The following UMPS variants were observed in gnomAD, a reference collection of about 807,000 sequenced individuals.
The protein encoded by UMPS is uridine 5'-monophosphate synthase.
Under a neutral mutation model 38.9 loss-of-function variants are expected in UMPS, and 21 were observed. The observed-to-expected ratio is 0.54, with a 90% confidence interval of 0.38 to 0.78. The LOEUF (loss-of-function observed/expected upper bound fraction) is 0.78, where lower values mean the gene tolerates loss of function less well. Ranked by LOEUF, UMPS falls within the 30% of genes least tolerant of loss-of-function variation. The pLI is 0.00. For missense variants in UMPS, 533 were observed against 591.6 expected (o/e 0.90, Z 1.03); for synonymous variants, 208 against 219.3 (o/e 0.95, Z 0.45).
At chr3:124,731,792 G>T (rs1239219056) in intron 1 of UMPS, among the ~76,000 whole-genome samples, 4 of 151,716 alleles carry the variant, frequency 2.6e-5, no homozygotes, top group African/African-American at 9.7e-5. Flanking sequence ...AGCTACTCAG[G>T]AGGCTGAGGC....
At chr3:124,737,193 CAGG>C (rs1256631554) in intron 2 of UMPS, 6 of 215,496 alleles carry the variant, frequency 2.8e-5, no homozygotes, top group African/African-American at 1.2e-4. Flanking sequence ...CACTTGAGCT[CAGG>C]AGTTCAAGAC....
rs767215391 is a variant in UMPS at position 124,747,376 on chromosome 3, T to C, written c.*3292T>C. The C allele has an allele frequency of 2.2e-6, 1 of 454,832 alleles. No homozygotes were observed. The highest frequency in any genetic ancestry group is 4.4e-6 in the Non-Finnish European group (1 of 226,670). 28.2% of individuals were successfully genotyped at this position (454,832 alleles called of 1,614,324 possible). A position where few individuals can be genotyped will look rare whatever the true frequency, so the allele number is the denominator to read the frequency against. On this transcript the variant is annotated 3_prime_UTR_variant, in exon 6 of 6. Coordinates refer to ENST00000232607, the MANE Select transcript of UMPS (RefSeq NM_000373.4). ...TGCTGGCCGCTGAGCTAGCTGCTAA[T>C]GCTGGCCTGGGTGCAGTTCTCATCC...
intron 1 of UMPS, among the ~76,000 whole-genome samples, chr3:124,733,953 T>A (rs1349256670): frequency 6.6e-6 from 1 of 152,162 alleles, no homozygotes; most frequent in Non-Finnish European, 1.5e-5. Context: ...CACAGTGGAG[T>A]GAAAATATGA....
chr3:124,744,705 A>G lies in UMPS; in HGVS notation c.*621A>G, dbSNP rs752953491. 1.3e-5 allele frequency: 6 copies of G among 454,010 alleles called. No individual in the cohort carries two copies. Among genetic ancestry groups the G allele is most frequent in the Non-Finnish European group, 2.6e-5 (6 of 226,792 alleles). The allele number at this position is 454,010 out of a possible 1,614,324, so 28.1% of individuals were successfully genotyped here. ...ATTACAGGTGTGAGCCACTGTGCCC[A>G]GCCTAATTGCAGTAAGACAAAAATT... On this transcript the variant is annotated 3_prime_UTR_variant, in exon 6 of 6. Coordinates refer to ENST00000232607, the MANE Select transcript of UMPS (RefSeq NM_000373.4).
chr3:124,742,507 T>C (rs764610319), intron 5 of UMPS: 63 of 541,954 alleles, frequency 1.2e-4, no homozygotes, highest in South Asian at 8.5e-4. Flanking sequence ...CAAGATGCTT[T>C]AATGAGATAA....
rs972568766 is a variant in UMPS, at chr3:124,737,657, G to A, written c.400G>A (p.Glu134Lys). 6.2e-7 allele frequency: 1 copy of A among 1,614,056 alleles called. No individual in the cohort carries two copies. The highest frequency in any genetic ancestry group is 8.5e-7 in the Non-Finnish European group (1 of 1,180,054). Reference protein sequence around the residue: ...DVVTSGSSVLETVEVLQKEGL... With the variant: ...DVVTSGSSVLKTVEVLQKEGL... ...TGTCACCAGTGGATCTAGTGTTTTGGAAACTGTTGAGGTTCTTCAGAAGGA... is the reference window on the plus strand; with the variant it reads ...TGTCACCAGTGGATCTAGTGTTTTGAAAACTGTTGAGGTTCTTCAGAAGGA... Residue 134 changes from glutamate (E) to lysine (K), a missense_variant, in exon 3 of 6, where the codon GAA becomes AAA. Glu to Lys is a moderately conservative substitution (Grantham distance 56). Coordinates refer to ENST00000232607, the MANE Select transcript of UMPS (RefSeq NM_000373.4).
chr3:124,743,598 A>T (rs985392556), intron 5 of UMPS, among the ~76,000 whole-genome samples: 33 of 152,104 alleles, frequency 2.2e-4, no homozygotes, highest in Non-Finnish European at 3.1e-4. Flanking sequence ...AGATAGCACC[A>T]CTGCACTCCA....
chr3:124,742,169 G>A lies in UMPS; in HGVS notation c.1176G>A (p.Glu392=). ...CCATTTAGGTTAGAATGGCTGAGGA[G>A]CACTCTGAATTTGTTGTTGGTTTTA... ...YTRAAVRMAE[E]HSEFVVGFIS... Residue 392 remains glutamate (E), a synonymous_variant, in exon 5 of 6, where the codon GAG becomes GAA. Transcript: ENST00000232607. 1.2e-6 allele frequency: 2 copies of A among 1,613,668 alleles called. No homozygotes were observed. The highest frequency in any genetic ancestry group is 1.7e-6 in the Non-Finnish European group (2 of 1,179,822).
intron 1 of UMPS, 93 bp downstream of exon 1, chr3:124,730,720 A>G (rs1030408001): frequency 7.7e-5 from 113 of 1,466,162 alleles, no homozygotes; most frequent in Non-Finnish European, 1.0e-4. Flanking sequence ...CGTGAGTGAG[A>G]GCAAAAGAGC....
intron 4 of UMPS, among the ~76,000 whole-genome samples, chr3:124,740,769 G>T (rs1052897171): frequency 3.9e-5 from 6 of 151,986 alleles, no homozygotes; most frequent in African/African-American, 1.5e-4. Context: ...GTCATAGTGA[G>T]ATCTCGTCTC....
intron 1 of UMPS, chr3:124,732,364 A>G (rs1428961170): frequency 2.6e-5 from 4 of 154,808 alleles, no homozygotes; most frequent in Admixed American, 1.3e-4. Flanking sequence ...TTTAGTCAAT[A>G]TAAGGAAAAT....
rs10934685 is a variant in UMPS at position 124,747,673 on chromosome 3, C to A, written c.*3589C>A. 4.4e-6 allele frequency: 2 copies of A among 452,806 alleles called. No individual in the cohort carries two copies. The highest frequency in any genetic ancestry group is 8.9e-6 in the Non-Finnish European group (2 of 225,766). 28.0% of individuals were successfully genotyped at this position (452,806 alleles called of 1,614,324 possible). A position where few individuals can be genotyped will look rare whatever the true frequency, so the allele number is the denominator to read the frequency against. The stretch of plus-strand genomic sequence containing the variant: ...TGGAGTTCCAGGGTGGTTTATTACA[C>A]GGCAATATCTAGCTAAATACATTTA... On this transcript the variant is annotated 3_prime_UTR_variant, in exon 6 of 6. Transcript: ENST00000232607.
chr3:124,731,705 T>A (rs1429017190), intron 1 of UMPS: 3 of 198,738 alleles, frequency 1.5e-5, no homozygotes, highest in African/African-American at 2.3e-5. Context: ...GAGACCAGCC[T>A]GGCCAACATG....
intron 5 of UMPS, 41 bp downstream of exon 5, chr3:124,742,307 C>A: frequency 6.9e-7 from 1 of 1,450,310 alleles, no homozygotes; most frequent in Non-Finnish European, 9.7e-7. Flanking sequence ...AAAAATGCTT[C>A]TTTACCCATG....
chr3:124,732,967 GGTGTGTGTGT>G (rs61383415), intron 1 of UMPS, among the ~76,000 whole-genome samples: 2 of 147,620 alleles, frequency 1.4e-5, no homozygotes, highest in African/African-American at 5.1e-5. Flanking sequence ...ACTAGATCAT[GGTGTGTGTGT>G]GTGTGTGTGT....
chr3:124,736,627 CTG>C lies in UMPS; in HGVS notation c.311-939_311-938del, dbSNP rs1250926181. 2.0e-5 allele frequency among the ~76,000 whole-genome samples: 3 copies of C among 152,006 alleles called. No homozygotes were observed. The East Asian group carries it at 5.8e-4, about 29-fold the overall frequency. On this transcript the variant is annotated intron_variant, in intron 2 of 5. Coordinates refer to ENST00000232607, the MANE Select transcript of UMPS (RefSeq NM_000373.4). The stretch of plus-strand genomic sequence containing the variant: ...TGAGACTTTCTGAGCTAAAAAAAAA[CTG>C]TATGAATCCCTACCCATAAGAAAAC...
Position 124,746,790 on chromosome 3 carries a change from T to C in UMPS, c.*2706T>C, listed in dbSNP as rs201033421. Reference sequence around the variant, plus strand: ...GTGTGTGTGTGTGTGTGTGTGTGTGTGTGTGTGCATGCGCGCGCGTGCGCA... The same window carrying C: ...GTGTGTGTGTGTGTGTGTGTGTGTGCGTGTGTGCATGCGCGCGCGTGCGCA... On this transcript the variant is annotated 3_prime_UTR_variant, in exon 6 of 6. Transcript: ENST00000232607. 2 of 379,412 alleles carry C rather than the reference T, an allele frequency of 5.3e-6. No homozygotes were observed. Among genetic ancestry groups the C allele is most frequent in the Middle Eastern group, 8.4e-4 (1 of 1,192 alleles). 23.5% of individuals were successfully genotyped at this position (379,412 alleles called of 1,614,324 possible).
At position 124,738,259 on chromosome 3, in the gene UMPS, A is replaced by G. The variant is rs2063531497; in HGVS notation, c.982+20A>G. 1.9e-6 allele frequency: 3 copies of G among 1,611,010 alleles called. No homozygotes were observed. The highest frequency in any genetic ancestry group is 1.3e-5 in the African/African-American group (1 of 74,894). On this transcript the variant is annotated intron_variant, in intron 3 of 5. Transcript: ENST00000232607. ...ATGAAGGTAAGTGTATTATTCAGGAATCTGCAAGAATCAGAAATCCAGCTT... is the reference window on the plus strand; with the variant it reads ...ATGAAGGTAAGTGTATTATTCAGGAGTCTGCAAGAATCAGAAATCCAGCTT...
intron 1 of UMPS, among the ~76,000 whole-genome samples, chr3:124,731,090 C>T (rs918715389): frequency 6.6e-6 from 1 of 151,968 alleles, no homozygotes; most frequent in Middle Eastern, 3.2e-3. Context: ...GGTGTGGTGG[C>T]GCACGCCTGG....
Sources: gnomAD v4.1 joint callset for allele counts (sites outside exome capture counted in the v4.1 genomes callset) on GRCh38, gnomAD v4.1.1 for gene constraint, MANE v1.5 for transcripts, NCBI Gene and HGNC (gene_info 2026-07-23, HGNC 2026-07-21) for gene names.